The following SLC25A31 variants were observed in gnomAD, a reference collection of about 807,000 sequenced individuals.
SLC25A31 encodes ADP/ATP translocase 4.
A neutral mutation model predicts 36.2 loss-of-function variants in SLC25A31; 40 were observed. The ratio of observed to expected loss-of-function variants is 1.10; its 90% CI spans 0.86 to 1.44. The LOEUF is 1.44. SLC25A31 is among the 40% of genes most tolerant of loss of function. SLC25A31 has a pLI of 0.00. For missense variants in SLC25A31, 350 were observed against 397.1 expected, an observed-to-expected ratio of 0.88 and a Z score of 1.01; for synonymous variants, 143 against 149.7, an observed-to-expected ratio of 0.96 and a Z score of 0.32.
chr4:127,749,271 A>G (rs993046700), intron 2 of SLC25A31, among the ~76,000 whole-genome samples: 1 of 152,204 alleles, frequency 6.6e-6, no homozygotes. Flanking sequence ...TAAGGAACCT[A>G]TGAGACACCA....
At position 127,730,459 on chromosome 4, in the gene SLC25A31, G is replaced by T; in HGVS notation, c.-87G>T. ...ACTTTCTCGCCAGTACGATGCTGCA[G>T]CGGTTTTCCGGTTTTCCGCTTCCCT... On this transcript the variant is annotated 5_prime_UTR_variant, in exon 1 of 6. Transcript: ENST00000281154. The T allele has an allele frequency of 7.3e-7, 1 of 1,369,740 alleles. No homozygotes were observed. The highest frequency in any genetic ancestry group is 1.0e-6 in the Non-Finnish European group (1 of 983,758). The allele number at this position is 1,369,740 out of a possible 1,614,324, so 84.8% of individuals were successfully genotyped here. A position where few individuals can be genotyped will look rare whatever the true frequency, so the allele number is the denominator to read the frequency against.
chr4:127,745,625 A>G (rs1017832010), intron 2 of SLC25A31, among the ~76,000 whole-genome samples: 2 of 152,076 alleles, frequency 1.3e-5, no homozygotes, highest in Admixed American at 6.6e-5. Flanking sequence ...ATTTCCTTTT[A>G]TGCTCTGTAT....
intron 2 of SLC25A31, among the ~76,000 whole-genome samples, chr4:127,752,064 A>G (rs1731943965): frequency 1.3e-5 from 2 of 152,244 alleles, no homozygotes; most frequent in Admixed American, 6.5e-5. Context: ...CCATCCCATT[A>G]CTGAGTATAT....
At chr4:127,764,454 G>C in intron 3 of SLC25A31, 94 bp downstream of exon 3, 1 of 1,051,592 alleles carries the variant, frequency 9.5e-7, no homozygotes, top group Non-Finnish European at 1.4e-6. Flanking sequence ...AGTGTTACCA[G>C]ATAAAGTCTA....
rs745875744 is a variant in SLC25A31 at position 127,730,563 on chromosome 4, G to A, written c.18G>A (p.Ala6=). The change falls in exon 1 of 6, where the codon GCG becomes GCA. Residue 6 remains alanine, a synonymous_variant. Coordinates refer to ENST00000281154, the MANE Select transcript of SLC25A31 (RefSeq NM_031291.4). ...TCTCCATCATGCATCGTGAGCCTGC[G>A]AAAAAGAAGGCAGAAAAGCGGCTGT... MHREP[A]KKKAEKRLFD... 6 of 1,613,838 alleles carry A rather than the reference G, an allele frequency of 3.7e-6. No homozygotes were observed. The highest frequency in any genetic ancestry group is 1.1e-5 in the South Asian group (1 of 91,076).
At chr4:127,752,117 T>G (rs1294011431) in intron 2 of SLC25A31, among the ~76,000 whole-genome samples, 2 of 152,122 alleles carry the variant, frequency 1.3e-5, no homozygotes, top group African/African-American at 2.4e-5. Context: ...GACACATGCA[T>G]ACGTATGTTT....
rs117194987 is a variant in SLC25A31 at position 127,749,441 on chromosome 4, A to G, written c.360+4642A>G. Among the ~76,000 whole-genome samples, 203 of 152,288 alleles carry G rather than the reference A, an allele frequency of 1.3e-3. 5 individuals carry two copies. In the East Asian group the frequency reaches 0.03, roughly 22 times the overall value. On this transcript the variant is annotated intron_variant, in intron 2 of 5. Coordinates refer to ENST00000281154, the MANE Select transcript of SLC25A31 (RefSeq NM_031291.4). ...AGGACTCCAAGCAAGATTAATTTTA[A>G]AAAGATCCAGGTGTGGATGGGCACT...
At chr4:127,746,286 A>C (rs1731824950) in intron 2 of SLC25A31, among the ~76,000 whole-genome samples, 1 of 152,062 alleles carries the variant, frequency 6.6e-6, no homozygotes, top group Non-Finnish European at 1.5e-5. Context: ...ATGTGTCTTT[A>C]TAGTAGAATG....
At chr4:127,732,091 T>C (rs1161423933) in intron 1 of SLC25A31, among the ~76,000 whole-genome samples, 1 of 152,218 alleles carries the variant, frequency 6.6e-6, no homozygotes, top group Non-Finnish European at 1.5e-5. Flanking sequence ...TATCAGATAT[T>C]TTATATAATC....
rs1307441075 is a variant in SLC25A31, at chr4:127,735,879, TA to T, written c.232+5103del. On this transcript the variant is annotated intron_variant, in intron 1 of 5. Coordinates refer to ENST00000281154, the MANE Select transcript of SLC25A31 (RefSeq NM_031291.4). ...CTAACATTCTTTTATTTTATTTATT[TA>T]TTTATTTATTTATTTATTTTTTTTT... 4.5e-3 allele frequency among the ~76,000 whole-genome samples: 323 copies of T among 72,246 alleles called. 2 individuals are homozygous for T. The highest frequency in any genetic ancestry group is 0.014 in the African/African-American group (296 of 20,790). 47.4% of individuals were successfully genotyped at this position (72,246 alleles called of 152,430 possible). A position where few individuals can be genotyped will look rare whatever the true frequency, so the allele number is the denominator to read the frequency against.
chr4:127,744,327 G>A (rs993452951), intron 1 of SLC25A31, among the ~76,000 whole-genome samples: 2 of 152,166 alleles, frequency 1.3e-5, no homozygotes, highest in African/African-American at 2.4e-5. Flanking sequence ...CACCATAGGT[G>A]TTATACATCA....
At chr4:127,759,666 G>A (rs974917511) in intron 2 of SLC25A31, among the ~76,000 whole-genome samples, 1 of 152,116 alleles carries the variant, frequency 6.6e-6, no homozygotes, top group Non-Finnish European at 1.5e-5. Flanking sequence ...TACTGAGAGG[G>A]GAGATGGGGA....
chr4:127,760,658 C>T (rs2148762066), intron 2 of SLC25A31, among the ~76,000 whole-genome samples: 1 of 152,324 alleles, frequency 6.6e-6, no homozygotes, highest in East Asian at 1.9e-4. Context: ...TATCTGTCAA[C>T]AATTAAAAAT....
Position 127,737,444 on chromosome 4 carries a change from A to C in SLC25A31, c.232+6667A>C, listed in dbSNP as rs375565715. ...ACACTAGCAAACCTCTTTAGTCATA[A>C]ATCTGACACTCTGTCATCATGGTCT... On this transcript the variant is annotated intron_variant, in intron 1 of 5. Coordinates refer to ENST00000281154, the MANE Select transcript of SLC25A31 (RefSeq NM_031291.4). Among the ~76,000 whole-genome samples, 19 of 152,312 alleles carry C rather than the reference A, an allele frequency of 1.2e-4. No homozygotes were observed. The East Asian group carries it at 2.5e-3, about 20-fold the overall frequency.
At chr4:127,744,554 A>G in intron 1 of SLC25A31, 118 bp from the exon 2 acceptor site, 1 of 908,576 alleles carries the variant, frequency 1.1e-6, no homozygotes, top group South Asian at 3.6e-5. Context: ...AGAAAACTTT[A>G]TTTTTCTCAT....
chr4:127,730,476 C>A lies in SLC25A31; in HGVS notation c.-70C>A. ...ATGCTGCAGCGGTTTTCCGGTTTTCCGCTTCCCTTCATCGTAGCTCCCGTA... is the reference window on the plus strand; with the variant it reads ...ATGCTGCAGCGGTTTTCCGGTTTTCAGCTTCCCTTCATCGTAGCTCCCGTA... On this transcript the variant is annotated 5_prime_UTR_variant, in exon 1 of 6. Coordinates refer to ENST00000281154, the MANE Select transcript of SLC25A31 (RefSeq NM_031291.4). The A allele has an allele frequency of 1.3e-6, 2 of 1,497,140 alleles. No homozygotes were observed. Among genetic ancestry groups the A allele is most frequent in the Non-Finnish European group, 1.8e-6 (2 of 1,088,584 alleles). 92.7% of individuals were successfully genotyped at this position (1,497,140 alleles called of 1,614,324 possible). A position where few individuals can be genotyped will look rare whatever the true frequency, so the allele number is the denominator to read the frequency against.
At chr4:127,736,867 T>C (rs1560630784) in intron 1 of SLC25A31, among the ~76,000 whole-genome samples, 1 of 152,250 alleles carries the variant, frequency 6.6e-6, no homozygotes, top group Non-Finnish European at 1.5e-5. Flanking sequence ...GTAAATGAAA[T>C]AATTTGGGAT....
chr4:127,770,516 C>T (rs1469166212), intron 5 of SLC25A31, among the ~76,000 whole-genome samples: 2 of 151,814 alleles, frequency 1.3e-5, no homozygotes, highest in Non-Finnish European at 2.9e-5. Context: ...GTCCCAGCTA[C>T]TCGGGAGGCT....
At chr4:127,736,840 AC>A (rs1731642273) in intron 1 of SLC25A31, among the ~76,000 whole-genome samples, 1 of 152,222 alleles carries the variant, frequency 6.6e-6, no homozygotes, top group South Asian at 2.1e-4. Context: ...ATAAACATGT[AC>A]TCCAGATGTT....
Sources: gnomAD v4.1 joint callset for allele counts (sites outside exome capture counted in the v4.1 genomes callset) on GRCh38, gnomAD v4.1.1 for gene constraint, MANE v1.5 for transcripts, NCBI Gene and HGNC (gene_info 2026-07-23, HGNC 2026-07-21) for gene names.